Variants in MSRA observed in about 807,000 individuals in gnomAD.
MSRA encodes the protein mitochondrial peptide methionine sulfoxide reductase.
A neutral mutation model predicts 31.3 loss-of-function variants in MSRA; 54 were observed. The ratio of observed to expected loss-of-function variants is 1.73; its 90% CI spans 1.39 to 2.17. The LOEUF (loss-of-function observed/expected upper bound fraction) is 2.17, where lower values mean the gene tolerates loss of function less well. MSRA is among the 30% of genes most tolerant of loss of function. MSRA has a pLI of 0.00. For synonymous variants in MSRA, 169 were observed against 116.5 expected (o/e 1.45, Z -2.90); for missense variants, 507 against 300.9 (o/e 1.69, Z -5.07).
intron 1 of MSRA, among the ~76,000 whole-genome samples, chr8:10,205,123 A>C (rs1808841785): frequency 6.6e-6 from 1 of 151,348 alleles, no homozygotes; most frequent in East Asian, 1.9e-4. Flanking sequence ...ATGGAAGGGG[A>C]GGAGGGGTCT....
intron 5 of MSRA, among the ~76,000 whole-genome samples, chr8:10,424,213 G>A (rs2129197326): frequency 6.6e-6 from 1 of 152,260 alleles, no homozygotes; most frequent in Non-Finnish European, 1.5e-5. Flanking sequence ...CGTGTGCAAG[G>A]GAATGGAACA....
At chr8:10,419,523 C>G (rs541150713) in intron 5 of MSRA, among the ~76,000 whole-genome samples, 6 of 152,124 alleles carry the variant, frequency 3.9e-5, no homozygotes, top group Non-Finnish European at 8.8e-5. Flanking sequence ...AGCCTGATGA[C>G]GTGAGATGGT....
intron 3 of MSRA, among the ~76,000 whole-genome samples, chr8:10,269,462 A>C (rs546081212): frequency 6.6e-6 from 1 of 152,346 alleles, no homozygotes; most frequent in African/African-American, 2.4e-5. Flanking sequence ...CTGAGGCAAC[A>C]CTGTTAATTC....
intron 2 of MSRA, among the ~76,000 whole-genome samples, chr8:10,211,290 TAC>T (rs1169551845): frequency 1.2e-4 from 18 of 152,202 alleles, no homozygotes; most frequent in Admixed American, 5.2e-4. Context: ...GTCGCTGGCA[TAC>T]AGTCTTCACA....
intron 3 of MSRA, among the ~76,000 whole-genome samples, chr8:10,253,310 T>G (rs547241242): frequency 6.6e-6 from 1 of 152,342 alleles, no homozygotes; most frequent in Admixed American, 6.5e-5. Flanking sequence ...TACGTGTTCT[T>G]CATATGACCT....
intron 3 of MSRA, among the ~76,000 whole-genome samples, chr8:10,257,003 A>G (rs1466713568): frequency 6.6e-6 from 1 of 152,360 alleles, no homozygotes; most frequent in African/African-American, 2.4e-5. Context: ...GAAAAATGTT[A>G]AAATATTTTA....
Position 10,362,082 on chromosome 8 carries a change from T to G in MSRA, c.543+42093T>G, listed in dbSNP as rs74779245. ...GAGAGACCCGGGTTCCCATTCCAAC[T>G]TTGCCCTCACTTGCTGTGAGACTTT... On this transcript the variant is annotated intron_variant, in intron 5 of 5. Transcript: ENST00000317173. Among the ~76,000 whole-genome samples the G allele has an allele frequency of 2.1e-4, 32 of 152,226 alleles. No individual in the cohort carries two copies. The East Asian group carries it at 6.2e-3, about 30-fold the overall frequency.
At chr8:10,211,678 A>G (rs2129061830) in intron 2 of MSRA, among the ~76,000 whole-genome samples, 1 of 152,290 alleles carries the variant, frequency 6.6e-6, no homozygotes, top group East Asian at 1.9e-4. Context: ...TGAGGCACCC[A>G]GAGATTAAAG....
intron 3 of MSRA, among the ~76,000 whole-genome samples, chr8:10,296,074 C>T (rs747123996): frequency 2.1e-4 from 32 of 152,178 alleles, no homozygotes; most frequent in African/African-American, 7.5e-4. Context: ...CCTTTTGCCA[C>T]TTCATCAAAA....
intron 3 of MSRA, among the ~76,000 whole-genome samples, chr8:10,301,202 C>T (rs1383794290): frequency 2.0e-5 from 3 of 152,134 alleles, no homozygotes; most frequent in Non-Finnish European, 2.9e-5. Flanking sequence ...AGTTCTTGAG[C>T]GCTATGTCAG....
chr8:10,222,165 G>A (rs1288705674), intron 2 of MSRA, among the ~76,000 whole-genome samples: 1 of 151,904 alleles, frequency 6.6e-6, no homozygotes, highest in East Asian at 1.9e-4. Context: ...ATACCACTTA[G>A]GAAGCTATTG....
intron 5 of MSRA, among the ~76,000 whole-genome samples, chr8:10,327,428 A>G (rs1802423710): frequency 6.6e-6 from 1 of 152,238 alleles, no homozygotes; most frequent in Admixed American, 6.5e-5. Context: ...GTGAAAGGTA[A>G]AAAAACAGTA....
At chr8:10,354,917 G>C (rs183410134) in intron 5 of MSRA, among the ~76,000 whole-genome samples, 3 of 152,148 alleles carry the variant, frequency 2.0e-5, no homozygotes, top group African/African-American at 7.2e-5. Flanking sequence ...AAATGCTGCC[G>C]TGATGAGCAT....
intron 5 of MSRA, among the ~76,000 whole-genome samples, chr8:10,342,837 A>G (rs1803516602): frequency 6.6e-6 from 1 of 152,180 alleles, no homozygotes; most frequent in Non-Finnish European, 1.5e-5. Flanking sequence ...GGCTCCGGTG[A>G]AAGACAGCTT....
At position 10,398,708 on chromosome 8, in the gene MSRA, C is replaced by T. The variant is rs577797644; in HGVS notation, c.544-29440C>T. 7.9e-5 allele frequency among the ~76,000 whole-genome samples: 12 copies of T among 152,302 alleles called. No individual in the cohort carries two copies. The East Asian group carries it at 1.5e-3, about 20-fold the overall frequency. On this transcript the variant is annotated intron_variant, in intron 5 of 5. Coordinates refer to ENST00000317173, the MANE Select transcript of MSRA (RefSeq NM_012331.5). ...CTTCTTCTGGAAGCTGAAAGTCCAGCGGTCTGCCAGCTGGAACTGGGAGGT... is the reference window on the plus strand; with the variant it reads ...CTTCTTCTGGAAGCTGAAAGTCCAGTGGTCTGCCAGCTGGAACTGGGAGGT...
chr8:10,215,269 C>T (rs1809886664), intron 2 of MSRA, among the ~76,000 whole-genome samples: 1 of 152,196 alleles, frequency 6.6e-6, no homozygotes. Context: ...TCCCAAAGGT[C>T]ACTGGAGTCC....
intron 5 of MSRA, among the ~76,000 whole-genome samples, chr8:10,389,843 T>G (rs1367457232): frequency 1.3e-5 from 2 of 151,444 alleles, no homozygotes; most frequent in African/African-American, 4.9e-5. Flanking sequence ...GTGGTCCCAT[T>G]GTATACAACC....
At chr8:10,075,003 T>G (rs1246385250) in intron 1 of MSRA, among the ~76,000 whole-genome samples, 1 of 152,232 alleles carries the variant, frequency 6.6e-6, no homozygotes, top group African/African-American at 2.4e-5. Flanking sequence ...GTTTACCCAT[T>G]ACTGCCAACC....
At chr8:10,389,389 A>C (rs570566541) in intron 5 of MSRA, among the ~76,000 whole-genome samples, 123 of 152,334 alleles carry the variant, frequency 8.1e-4, no homozygotes, top group Non-Finnish European at 3.7e-4. Context: ...GCTTCAACCA[A>C]AGTACTCGCT....
Sources: gnomAD v4.1 joint callset for allele counts (sites outside exome capture counted in the v4.1 genomes callset) on GRCh38, gnomAD v4.1.1 for gene constraint, MANE v1.5 for transcripts, NCBI Gene and HGNC (gene_info 2026-07-23, HGNC 2026-07-21) for gene names.